The following FRY variants were observed in gnomAD, a reference collection of about 807,000 sequenced individuals.
FRY encodes protein furry homolog.
FRY carries 128 observed loss-of-function variants against 348.4 expected under a neutral mutation model. The observed-to-expected ratio is 0.37, with a 90% CI of 0.32 to 0.43. The LOEUF (loss-of-function observed/expected upper bound fraction) is 0.43, where lower values mean the gene tolerates loss of function less well. Ranked by LOEUF, FRY falls within the 20% of genes least tolerant of loss-of-function variation. FRY has a pLI of 1.00. For synonymous variants in FRY, 1,370 were observed against 1,374.7 expected (o/e 1.00, Z 0.08); for missense variants, 2,736 against 3,695.2 (o/e 0.74, Z 6.73).
In FRY at chr13:32,295,393, G is replaced by A. The variant is rs1161007394; in HGVS notation, c.8975G>A (p.Arg2992Lys). ...LNMEIRDMIRRAQSYRVLTTF... is the reference protein window; with the variant it reads ...LNMEIRDMIRKAQSYRVLTTF... ...ATGGAGATCCGGGACATGATCCGCA[G>A]GGCCCAGAGTTACCGAGTCCTCACT... Residue 2992 changes from arginine to lysine, a missense_variant, in exon 61 of 61, where the codon AGG (arginine) becomes AAG (lysine). Around this residue, in one of 9 missense-constraint regions of FRY, gnomAD observed 157 missense variants for 215.2 expected, o/e 0.73. Transcript: ENST00000542859. 2 of 1,612,972 alleles carry A rather than the reference G, an allele frequency of 1.2e-6. No individual in the cohort carries two copies. The highest frequency in any genetic ancestry group is 1.7e-6 in the Non-Finnish European group (2 of 1,179,960).
chr13:32,129,584 T>C (rs1879224890), intron 7 of FRY, among the ~76,000 whole-genome samples: 1 of 152,184 alleles, frequency 6.6e-6, no homozygotes, highest in South Asian at 2.1e-4. Context: ...TTGGGTATTC[T>C]GTAGAAGTCC....
intron 59 of FRY, 145 bp downstream of exon 59, chr13:32,289,888 T>G: frequency 1.5e-6 from 1 of 685,938 alleles, no homozygotes; most frequent in East Asian, 2.8e-5. Flanking sequence ...AATAAACATG[T>G]CTTGTATGTA....
At chr13:32,044,199 A>G (rs181531710) in intron 1 of FRY, among the ~76,000 whole-genome samples, 2 of 152,352 alleles carry the variant, frequency 1.3e-5, no homozygotes. Flanking sequence ...TCCCTTAGAT[A>G]CCAAAAGAAA....
intron 35 of FRY, among the ~76,000 whole-genome samples, chr13:32,215,593 A>G (rs892528420): frequency 6.6e-6 from 1 of 152,234 alleles, no homozygotes; most frequent in Non-Finnish European, 1.5e-5. Flanking sequence ...TTTGTTTTTC[A>G]GACAGGGTCT....
At chr13:32,230,154 C>G (rs539338622) in intron 40 of FRY, among the ~76,000 whole-genome samples, 4 of 152,260 alleles carry the variant, frequency 2.6e-5, no homozygotes, top group African/African-American at 9.6e-5. Flanking sequence ...GTTGTACAGG[C>G]TATTTCACCA....
intron 46 of FRY, 122 bp from the exon 47 acceptor site, chr13:32,243,920 C>T: frequency 9.4e-7 from 1 of 1,064,774 alleles, no homozygotes; most frequent in Non-Finnish European, 1.4e-6. Flanking sequence ...AGCAAGACCC[C>T]ATCTCCTAAA....
At chr13:32,159,770 T>C (rs1317280945) in intron 16 of FRY, among the ~76,000 whole-genome samples, 1 of 152,186 alleles carries the variant, frequency 6.6e-6, no homozygotes, top group Non-Finnish European at 1.5e-5. Context: ...AGCAAACTAG[T>C]AGAACTGTTT....
At chr13:32,060,116 A>G (rs1329580750) in intron 1 of FRY, among the ~76,000 whole-genome samples, 2 of 152,246 alleles carry the variant, frequency 1.3e-5, no homozygotes, top group South Asian at 2.1e-4. Flanking sequence ...AATCAAGAAT[A>G]GAAAATTACT....
chr13:32,218,303 A>G (rs1246852849), intron 35 of FRY, among the ~76,000 whole-genome samples: 2 of 152,172 alleles, frequency 1.3e-5, no homozygotes, highest in Admixed American at 6.5e-5. Flanking sequence ...TTGGGGTACA[A>G]TTTTTACAGC....
chr13:32,240,432 G>T (rs1278570930), intron 46 of FRY, among the ~76,000 whole-genome samples: 1 of 152,146 alleles, frequency 6.6e-6, no homozygotes, highest in East Asian at 1.9e-4. Flanking sequence ...TTTAATGGTT[G>T]TTTGATCTAA....
chr13:32,032,502 T>C (rs1442630359), intron 1 of FRY, among the ~76,000 whole-genome samples: 1 of 152,244 alleles, frequency 6.6e-6, no homozygotes, highest in Non-Finnish European at 1.5e-5. Context: ...AGTCCAAATA[T>C]TGTGCTTTTT....
chr13:32,114,370 G>A (rs1366507374), intron 3 of FRY, among the ~76,000 whole-genome samples: 1 of 152,178 alleles, frequency 6.6e-6, no homozygotes, highest in Non-Finnish European at 1.5e-5. Flanking sequence ...GGCTTTTTTA[G>A]TGGTTTACTA....
chr13:32,039,375 A>C (rs1040621324), intron 1 of FRY, among the ~76,000 whole-genome samples: 1 of 152,112 alleles, frequency 6.6e-6, no homozygotes, highest in African/African-American at 2.4e-5. Context: ...ATTTAAAGCC[A>C]GTTGTCTTTC....
At chr13:32,205,823 G>A (rs1256508624) in intron 31 of FRY, among the ~76,000 whole-genome samples, 2 of 151,938 alleles carry the variant, frequency 1.3e-5, no homozygotes, top group Non-Finnish European at 2.9e-5. Context: ...CTGGAGAGAG[G>A]AGGATAGTTA....
At chr13:32,230,870 A>G (rs1315012989) in intron 40 of FRY, among the ~76,000 whole-genome samples, 1 of 152,202 alleles carries the variant, frequency 6.6e-6, no homozygotes, top group East Asian at 1.9e-4. Flanking sequence ...GTGAGATGGT[A>G]TCTCACTGTG....
chr13:32,116,705 T>A (rs1479174668), intron 3 of FRY, among the ~76,000 whole-genome samples: 1 of 152,162 alleles, frequency 6.6e-6, no homozygotes, highest in Non-Finnish European at 1.5e-5. Context: ...TCAGGACTCT[T>A]TCCAGATAAG....
rs748464693 is a variant in FRY at position 32,254,219 on chromosome 13, C to T, written c.7246-5C>T. 7 of 1,613,688 alleles carry T rather than the reference C, an allele frequency of 4.3e-6. No individual in the cohort carries two copies. Among genetic ancestry groups the T allele is most frequent in the Middle Eastern group, 1.7e-4 (1 of 5,922 alleles). Reference sequence around the variant, plus strand: ...GTTTCTCAGGAGAGGACTCTTGATTCGCAGGTGATTTTTTCATCGTGTGGG... The same window carrying T: ...GTTTCTCAGGAGAGGACTCTTGATTTGCAGGTGATTTTTTCATCGTGTGGG... On this transcript the variant is annotated splice_polypyrimidine_tract_variant and splice_region_variant and intron_variant, in intron 50 of 60. Transcript: ENST00000542859.
At position 32,031,790 on chromosome 13, in the gene FRY, G is replaced by T; in HGVS notation, c.-6G>T. On this transcript the variant is annotated 5_prime_UTR_variant, in exon 1 of 61. Coordinates refer to ENST00000542859, the MANE Select transcript of FRY (RefSeq NM_023037.3). ...CGTCCTCCCAGCCTCTTTGTATGCC[G>T]CAGACATGGCCAGCCAGCAGGATTC... 1 of 1,597,520 alleles carries T rather than the reference G, an allele frequency of 6.3e-7. No individual in the cohort carries two copies. The highest frequency in any genetic ancestry group is 8.6e-7 in the Non-Finnish European group (1 of 1,166,492).
chr13:32,117,998 C>A (rs1000664228), intron 4 of FRY, among the ~76,000 whole-genome samples: 1 of 152,140 alleles, frequency 6.6e-6, no homozygotes, highest in Non-Finnish European at 1.5e-5. Flanking sequence ...TTAGGTGACA[C>A]CATCTCCAAC....
Sources: allele counts gnomAD v4.1 joint callset (sites outside exome capture counted in the v4.1 genomes callset), GRCh38; gene constraint gnomAD v4.1.1; regional missense constraint gnomAD v4.1.1; transcripts MANE v1.5; gene names NCBI Gene and HGNC (gene_info 2026-07-23, HGNC 2026-07-21).